Variants in PPFIBP1 observed in about 807,000 individuals in gnomAD.
PPFIBP1 encodes PPFIB scaffold protein 1.
In PPFIBP1, 112 loss-of-function variants were observed where a neutral mutation model predicts 137.8. The ratio of observed to expected loss-of-function variants is 0.81; its 90% CI spans 0.70 to 0.95. PPFIBP1 has a LOEUF of 0.95. Among genes scored for constraint, PPFIBP1 ranks in the 40% least tolerant of loss-of-function variants. The probability of loss-of-function intolerance (pLI) is 0.00; values close to 1 mark genes in which losing one functional copy is unlikely to be tolerated. For missense variants in PPFIBP1, 1,083 were observed against 1,196.6 expected, an observed-to-expected ratio of 0.91 and a Z score of 1.40; for synonymous variants, 378 against 417.3, an observed-to-expected ratio of 0.91 and a Z score of 1.15.
intron 2 of PPFIBP1, among the ~76,000 whole-genome samples, chr12:27,609,713 C>T (rs898371547): frequency 2.0e-5 from 3 of 152,162 alleles, no homozygotes; most frequent in African/African-American, 7.2e-5. Flanking sequence ...CATGGCCTCA[C>T]CCACATTTTC....
chr12:27,540,306 T>A lies in PPFIBP1; in HGVS notation c.-124+15941T>A, dbSNP rs149449821. On this transcript the variant is annotated intron_variant, in intron 1 of 29. Transcript: ENST00000228425. Reference sequence around the variant, plus strand: ...ACGCTGCCTTGAAGGGTTGTAAAGATGAAACAAGATAATGAATGCAAAGAG... The same window carrying A: ...ACGCTGCCTTGAAGGGTTGTAAAGAAGAAACAAGATAATGAATGCAAAGAG... Among the ~76,000 whole-genome samples, 15 of 151,596 alleles carry A rather than the reference T, an allele frequency of 9.9e-5. No homozygotes were observed. The East Asian group carries it at 2.9e-3, about 29-fold the overall frequency.
chr12:27,607,587 G>C (rs2054651381), intron 2 of PPFIBP1, among the ~76,000 whole-genome samples: 1 of 152,152 alleles, frequency 6.6e-6, no homozygotes, highest in Non-Finnish European at 1.5e-5. Flanking sequence ...GTGTGGGGTG[G>C]AGCCTGAGAA....
At chr12:27,677,041 G>GT in intron 18 of PPFIBP1, 23 bp from the exon 19 acceptor site, 1 of 1,614,170 alleles carries the variant, frequency 6.2e-7, no homozygotes, top group Non-Finnish European at 8.5e-7. Context: ...GTGTGATTGT[G>GT]TGCGTTGTTG....
intron 2 of PPFIBP1, among the ~76,000 whole-genome samples, chr12:27,596,809 A>G (rs7959499): frequency 0.26 from 39,792 of 152,184 alleles, 5,351 homozygotes; most frequent in Middle Eastern, 0.33. Flanking sequence ...CCCATTCAAT[A>G]GAAAGAGGAA....
At chr12:27,549,273 G>A (rs891296116) in intron 1 of PPFIBP1, 8 of 150,326 alleles carry the variant, frequency 5.3e-5, no homozygotes, top group African/African-American at 1.9e-4. Flanking sequence ...TCCCACGAGT[G>A]TTTGGTGATG....
At chr12:27,533,783 G>A (rs1023535918) in intron 1 of PPFIBP1, among the ~76,000 whole-genome samples, 1 of 152,170 alleles carries the variant, frequency 6.6e-6, no homozygotes, top group African/African-American at 2.4e-5. Flanking sequence ...AGTCTTCAGG[G>A]GACTCCTGAT....
At chr12:27,553,169 C>A (rs1309690802) in intron 1 of PPFIBP1, among the ~76,000 whole-genome samples, 2 of 152,100 alleles carry the variant, frequency 1.3e-5, no homozygotes, top group African/African-American at 4.8e-5. Flanking sequence ...CATATACTGC[C>A]CAGGCTGGGG....
At chr12:27,677,309 C>T (rs2060580523) in intron 19 of PPFIBP1, 2 of 609,734 alleles carry the variant, frequency 3.3e-6, no homozygotes, top group South Asian at 4.0e-5. Flanking sequence ...ATACTAGTAA[C>T]ACTCACTGTG....
At chr12:27,538,807 G>A in intron 1 of PPFIBP1, among the ~76,000 whole-genome samples, 1 of 152,202 alleles carries the variant, frequency 6.6e-6, no homozygotes, top group East Asian at 1.9e-4. Context: ...GTGGATCTTG[G>A]GCTCTGGAGT....
intron 2 of PPFIBP1, among the ~76,000 whole-genome samples, chr12:27,618,836 A>G (rs2056047944): frequency 6.6e-6 from 1 of 152,226 alleles, no homozygotes; most frequent in Non-Finnish European, 1.5e-5. Context: ...TTTCATTGCC[A>G]TAGACTTGAT....
In PPFIBP1 at chr12:27,679,921, T is replaced by G; in HGVS notation, c.1767-12T>G. The G allele has an allele frequency of 6.2e-7, 1 of 1,614,074 alleles. No individual in the cohort carries two copies. Among genetic ancestry groups the G allele is most frequent in the Non-Finnish European group, 8.5e-7 (1 of 1,179,970 alleles). ...CAGGTCTAATACTGGCCATGTGTGT[T>G]GTCTTCTTTAGACTTAGGAGAAGTC... On this transcript the variant is annotated splice_polypyrimidine_tract_variant and intron_variant, in intron 20 of 29. Coordinates refer to ENST00000228425, the MANE Select transcript of PPFIBP1 (RefSeq NM_003622.4).
chr12:27,646,408 C>CTTTTT (rs59630572), intron 5 of PPFIBP1: 3 of 350,930 alleles, frequency 8.5e-6, no homozygotes, highest in Non-Finnish European at 5.3e-6. Flanking sequence ...CTGATCTGTT[C>CTTTTT]TTTTTTTTTT....
intron 1 of PPFIBP1, among the ~76,000 whole-genome samples, chr12:27,530,690 A>G (rs1592273484): frequency 6.6e-6 from 1 of 152,256 alleles, no homozygotes; most frequent in East Asian, 1.9e-4. Context: ...ATTTCCCAGA[A>G]TCCCTTGCAG....
chr12:27,657,319 AAGC>A (rs2059266096), intron 9 of PPFIBP1, among the ~76,000 whole-genome samples: 1 of 152,108 alleles, frequency 6.6e-6, no homozygotes, highest in Non-Finnish European at 1.5e-5. Context: ...ATTTCTAACA[AAGC>A]AGATTGTGCA....
At chr12:27,588,232 CT>C (rs1331726079) in intron 2 of PPFIBP1, among the ~76,000 whole-genome samples, 1 of 152,182 alleles carries the variant, frequency 6.6e-6, no homozygotes, top group Admixed American at 6.5e-5. Context: ...GTAAAGGTGC[CT>C]AATCCTCTTG....
rs977776746 is a variant in PPFIBP1 at position 27,539,449 on chromosome 12, G to A, written c.-124+15084G>A. On this transcript the variant is annotated intron_variant, in intron 1 of 29. Coordinates refer to ENST00000228425, the MANE Select transcript of PPFIBP1 (RefSeq NM_003622.4). Reference sequence around the variant, plus strand: ...TTTGTTCTGTGGAGATAATTTTGGTGTGCGGGTTTAAATCTTCTGATGGAA... The same window carrying A: ...TTTGTTCTGTGGAGATAATTTTGGTATGCGGGTTTAAATCTTCTGATGGAA... Among the ~76,000 whole-genome samples the A allele has an allele frequency of 2.0e-5, 3 of 152,192 alleles. No homozygotes were observed. The South Asian group carries it at 6.2e-4, about 32-fold the overall frequency.
chr12:27,629,299 A>G (rs1028241045), intron 2 of PPFIBP1, among the ~76,000 whole-genome samples: 3 of 152,220 alleles, frequency 2.0e-5, no homozygotes, highest in Non-Finnish European at 4.4e-5. Flanking sequence ...ATGCCTGACA[A>G]GCTTTAAAGA....
intron 2 of PPFIBP1, among the ~76,000 whole-genome samples, chr12:27,616,797 A>T (rs1271123370): frequency 6.6e-6 from 1 of 152,206 alleles, no homozygotes; most frequent in Non-Finnish European, 1.5e-5. Context: ...TGGCTTTGAG[A>T]TTCTCAGTGT....
At position 27,647,449 on chromosome 12, in the gene PPFIBP1, G is replaced by C. The variant is rs140345281; in HGVS notation, c.358-280G>C. 4.1e-3 allele frequency among the ~76,000 whole-genome samples: 623 copies of C among 152,242 alleles called. 4 individuals carry two copies. Among genetic ancestry groups the C allele is most frequent in the African/African-American group, 0.013 (556 of 41,548 alleles). ...TAAAAAGATAACTTCTGTACATGCTGTCTTTCATAAATGGTTGAAGTAGCT... is the reference window on the plus strand; with the variant it reads ...TAAAAAGATAACTTCTGTACATGCTCTCTTTCATAAATGGTTGAAGTAGCT... On this transcript the variant is annotated intron_variant, in intron 5 of 29. Transcript: ENST00000228425.
Sources: gnomAD v4.1 joint callset for allele counts (sites outside exome capture counted in the v4.1 genomes callset) on GRCh38, gnomAD v4.1.1 for gene constraint, MANE v1.5 for transcripts, NCBI Gene and HGNC (gene_info 2026-07-23, HGNC 2026-07-21) for gene names.